IKZF3: variants seen among roughly 807,000 people sequenced by gnomAD.
IKZF3 encodes the protein zinc finger protein Aiolos.
Under a neutral mutation model 49.0 loss-of-function variants are expected in IKZF3, and 10 were observed. The ratio of observed to expected loss-of-function variants is 0.20; its 90% CI spans 0.13 to 0.35. The LOEUF (loss-of-function observed/expected upper bound fraction) is 0.35, where lower values mean the gene tolerates loss of function less well. Ranked by LOEUF, IKZF3 falls within the 10% of genes least tolerant of loss-of-function variation. The pLI is 1.00. For synonymous variants in IKZF3, 209 were observed against 228.2 expected (o/e 0.92, Z 0.76); for missense variants, 498 against 664.8 (o/e 0.75, Z 2.76).
intron 7 of IKZF3, among the ~76,000 whole-genome samples, chr17:39,774,246 G>A (rs1478216329): frequency 2.0e-5 from 3 of 152,122 alleles, no homozygotes; most frequent in East Asian, 1.9e-4. Flanking sequence ...CTGTCAGCAA[G>A]GATTAAAGGG....
chr17:39,812,275 C>T (rs1256788172), intron 3 of IKZF3, among the ~76,000 whole-genome samples: 1 of 152,102 alleles, frequency 6.6e-6, no homozygotes, highest in Admixed American at 6.5e-5. Flanking sequence ...AACTACAACA[C>T]AAAAACAAAA....
chr17:39,779,737 C>T (rs958074698), intron 6 of IKZF3, among the ~76,000 whole-genome samples: 1 of 150,076 alleles, frequency 6.7e-6, no homozygotes, highest in African/African-American at 2.5e-5. Flanking sequence ...TTGCCTAGAG[C>T]GCCACAGTTT....
intron 7 of IKZF3, among the ~76,000 whole-genome samples, chr17:39,773,025 C>T (rs746689431): frequency 5.3e-5 from 8 of 152,034 alleles, no homozygotes; most frequent in Non-Finnish European, 1.2e-4. Context: ...CATATTGGCC[C>T]GGCTGGTCTT....
rs760301170 is a variant in IKZF3 at position 39,766,225 on chromosome 17, G to A, written c.1095C>T (p.His365=). Residue 365 remains histidine, a synonymous_variant, in exon 8 of 8, where the codon CAC becomes CAT. Coordinates refer to ENST00000346872, the MANE Select transcript of IKZF3 (RefSeq NM_012481.5). ...APQELEKKSI[H]LPEKSVPSER... ...CAGAAGGCACGCTCTTCTCTGGAAG[G>A]TGGATGCTTTTCTTTTCCAGCTCTT... 3.7e-6 allele frequency: 6 copies of A among 1,614,192 alleles called. No individual in the cohort carries two copies. The South Asian group carries it at 4.4e-5, about 12-fold the overall frequency.
chr17:39,837,354 T>C (rs761802339), intron 1 of IKZF3, among the ~76,000 whole-genome samples: 33 of 152,324 alleles, frequency 2.2e-4, no homozygotes, highest in Non-Finnish European at 3.8e-4. Flanking sequence ...TTGTTTTCAA[T>C]TATTTGCAAA....
chr17:39,782,248 C>A (rs2060761387), intron 6 of IKZF3, among the ~76,000 whole-genome samples: 1 of 152,106 alleles, frequency 6.6e-6, no homozygotes, highest in Non-Finnish European at 1.5e-5. Flanking sequence ...AATGAGTGCC[C>A]TTTGAAACAC....
rs1010094510 is a variant in IKZF3, at chr17:39,840,847, G to A, written c.8-8696C>T. On this transcript the variant is annotated intron_variant, in intron 1 of 7. Transcript: ENST00000346872. Reference sequence around the variant, plus strand: ...TGCTGGAGACCAGCCAGCATGAAGAGTGTGTCCATGCAGGGTAGGCAGTGT... The same window carrying A: ...TGCTGGAGACCAGCCAGCATGAAGAATGTGTCCATGCAGGGTAGGCAGTGT... Among the ~76,000 whole-genome samples, 43 of 152,308 alleles carry A rather than the reference G, an allele frequency of 2.8e-4. 1 individual carries two copies. Among genetic ancestry groups the A allele is most frequent in the Admixed American group, 2.0e-3 (30 of 15,302 alleles).
chr17:39,836,135 A>C, intron 1 of IKZF3: 2 of 658,430 alleles, frequency 3.0e-6, no homozygotes, highest in South Asian at 3.2e-5. Flanking sequence ...TCCTGAGTGC[A>C]CACGGCCTGG....
At chr17:39,830,204 G>A (rs1023028007) in intron 2 of IKZF3, among the ~76,000 whole-genome samples, 1 of 152,176 alleles carries the variant, frequency 6.6e-6, no homozygotes, top group Non-Finnish European at 1.5e-5. Flanking sequence ...TTTCCTAGGA[G>A]GAAGATCTGT....
chr17:39,846,615 C>A (rs2062641107), intron 1 of IKZF3, among the ~76,000 whole-genome samples: 2 of 150,262 alleles, frequency 1.3e-5, no homozygotes, highest in Admixed American at 1.3e-4. Flanking sequence ...CATGGAAGTT[C>A]ACATATGAAT....
At chr17:39,808,647 G>A (rs1356461065) in intron 3 of IKZF3, among the ~76,000 whole-genome samples, 1 of 152,150 alleles carries the variant, frequency 6.6e-6, no homozygotes, top group Non-Finnish European at 1.5e-5. Flanking sequence ...ATGCACCTGG[G>A]GAAGTTCACT....
intron 7 of IKZF3, among the ~76,000 whole-genome samples, chr17:39,768,800 A>G (rs904251998): frequency 1.3e-5 from 2 of 152,146 alleles, no homozygotes; most frequent in Admixed American, 1.3e-4. Flanking sequence ...AGGAAACTTT[A>G]TATCACTAAC....
chr17:39,796,541 T>C (rs1361453706), intron 3 of IKZF3, among the ~76,000 whole-genome samples: 1 of 147,318 alleles, frequency 6.8e-6, no homozygotes, highest in Non-Finnish European at 1.5e-5. Context: ...AACATTCCTT[T>C]CTTTTTTTTT....
intron 3 of IKZF3, among the ~76,000 whole-genome samples, chr17:39,821,017 T>A (rs1418993432): frequency 6.6e-6 from 1 of 152,162 alleles, no homozygotes; most frequent in Non-Finnish European, 1.5e-5. Context: ...CTGAGTTGTA[T>A]CTTTTATAAT....
intron 3 of IKZF3, among the ~76,000 whole-genome samples, chr17:39,809,042 G>A (rs894675363): frequency 6.6e-6 from 1 of 152,170 alleles, no homozygotes; most frequent in African/African-American, 2.4e-5. Context: ...TTCTGTAGAC[G>A]CAGGTGCAGA....
intron 1 of IKZF3, among the ~76,000 whole-genome samples, chr17:39,844,822 A>C (rs562285494): frequency 5.9e-5 from 9 of 151,944 alleles, no homozygotes; most frequent in Admixed American, 1.3e-4. Context: ...GGGTTTCTCC[A>C]TGTTGGTCAG....
intron 3 of IKZF3, among the ~76,000 whole-genome samples, chr17:39,807,172 T>A (rs1424814409): frequency 6.6e-6 from 1 of 152,168 alleles, no homozygotes; most frequent in Non-Finnish European, 1.5e-5. Context: ...TTGGGGTCAT[T>A]TGTCACACAG....
chr17:39,833,070 T>G (rs765688499), intron 1 of IKZF3, among the ~76,000 whole-genome samples: 95 of 152,176 alleles, frequency 6.2e-4, no homozygotes, highest in Admixed American at 4.6e-4. Flanking sequence ...ACCCTCTGGA[T>G]TCTACAATTA....
intron 3 of IKZF3, among the ~76,000 whole-genome samples, chr17:39,798,992 T>TGTGC (rs1555631862): frequency 3.5e-5 from 2 of 57,506 alleles, no homozygotes; most frequent in African/African-American, 1.2e-4. Flanking sequence ...TGTGTGTGTG[T>TGTGC]GTGCGTGTGT....
Sources: gnomAD v4.1 joint callset for allele counts (sites outside exome capture counted in the v4.1 genomes callset) on GRCh38, gnomAD v4.1.1 for gene constraint, MANE v1.5 for transcripts, NCBI Gene and HGNC (gene_info 2026-07-23, HGNC 2026-07-21) for gene names.